The following TARBP1 variants were observed in gnomAD, a reference collection of about 807,000 sequenced individuals.
TARBP1 encodes tRNA guanosine 2 -O-methyltransferase TARBP1, also known as tRNA (guanosine(18)-2'-O)-methyltransferase TARBP1.
A neutral mutation model predicts 178.6 loss-of-function variants in TARBP1; 144 were observed. The observed-to-expected ratio is 0.81, with a 90% CI of 0.70 to 0.93. TARBP1 has a LOEUF of 0.93. Ranked by LOEUF, TARBP1 falls within the 40% of genes least tolerant of loss-of-function variation. The probability of loss-of-function intolerance (pLI) is 0.00; values close to 1 mark genes in which losing one functional copy is unlikely to be tolerated. For missense variants in TARBP1, 2,067 were observed against 2,011.7 expected (o/e 1.03, Z -0.53); for synonymous variants, 787 against 781.0 (o/e 1.01, Z -0.13).
intron 12 of TARBP1, among the ~76,000 whole-genome samples, chr1:234,441,808 T>C (rs188741163): frequency 5.6e-4 from 86 of 152,332 alleles, no homozygotes; most frequent in East Asian, 3.1e-3. Context: ...TCATATAATA[T>C]GTGGTCTTTA....
intron 9 of TARBP1, among the ~76,000 whole-genome samples, chr1:234,454,326 C>T (rs1667078633): frequency 6.6e-6 from 1 of 152,082 alleles, no homozygotes; most frequent in Non-Finnish European, 1.5e-5. Flanking sequence ...ATTTTAAAAA[C>T]ATTTCTTAGT....
chr1:234,430,177 C>T lies in TARBP1; in HGVS notation c.2519G>A (p.Ser840Asn). The change falls in exon 15 of 30, where the codon AGC (serine) becomes AAC (asparagine). Residue 840 changes from serine to asparagine, a missense_variant. Coordinates refer to ENST00000040877, the MANE Select transcript of TARBP1 (RefSeq NM_005646.4). ...LDSLHAGPLE[S>N]FLSSLQLNQT... The stretch of plus-strand genomic sequence containing the variant: ...ATTGAGCTGAAGAGAGGAAAGGAAG[C>T]TTTCCAGGGGCCCAGCATGGAGAGA... 1 of 1,614,194 alleles carries T rather than the reference C, an allele frequency of 6.2e-7. No individual in the cohort carries two copies. Among genetic ancestry groups the T allele is most frequent in the Non-Finnish European group, 8.5e-7 (1 of 1,180,028 alleles).
intron 20 of TARBP1, among the ~76,000 whole-genome samples, chr1:234,423,748 A>AT (rs1228790622): frequency 0.26 from 34,647 of 130,974 alleles, 4,801 homozygotes; most frequent in East Asian, 0.43. Context: ...TTTTTTCTGA[A>AT]TTTTTTTTTT....
intron 26 of TARBP1, among the ~76,000 whole-genome samples, chr1:234,395,071 A>C (rs1328949129): frequency 6.7e-6 from 1 of 150,258 alleles, no homozygotes; most frequent in East Asian, 2.0e-4. Context: ...TAAAAATACA[A>C]ACATTAGCCA....
intron 23 of TARBP1, among the ~76,000 whole-genome samples, chr1:234,408,449 G>T (rs538352300): frequency 2.0e-5 from 3 of 152,268 alleles, no homozygotes; most frequent in African/African-American, 7.2e-5. Context: ...CTTGTCTGGG[G>T]ACTAGATTTC....
chr1:234,415,988 T>C (rs1387913143), intron 22 of TARBP1, among the ~76,000 whole-genome samples: 3 of 152,252 alleles, frequency 2.0e-5, no homozygotes, highest in Non-Finnish European at 4.4e-5. Context: ...CTCTGTCTGA[T>C]GTCCACAGGT....
At chr1:234,444,515 C>G (rs1324136836) in intron 12 of TARBP1, among the ~76,000 whole-genome samples, 2 of 152,168 alleles carry the variant, frequency 1.3e-5, no homozygotes, top group Non-Finnish European at 2.9e-5. Flanking sequence ...ACACAGCCGT[C>G]TGGACTACCA....
chr1:234,432,135 CAAA>C (rs72281584), intron 14 of TARBP1, among the ~76,000 whole-genome samples: 6 of 94,310 alleles, frequency 6.4e-5, no homozygotes, highest in Non-Finnish European at 1.4e-4. Context: ...ACTCCGTCTC[CAAA>C]AAAAAAAAAA....
chr1:234,423,482 C>T (rs1264211141), intron 20 of TARBP1, among the ~76,000 whole-genome samples: 1 of 152,198 alleles, frequency 6.6e-6, no homozygotes, highest in Admixed American at 6.5e-5. Context: ...AGACTCTATA[C>T]TCACTGTCTC....
At chr1:234,412,626 C>T (rs1000382308) in intron 22 of TARBP1, among the ~76,000 whole-genome samples, 17 of 151,854 alleles carry the variant, frequency 1.1e-4, no homozygotes, top group African/African-American at 2.4e-4. Flanking sequence ...CTATAATTGC[C>T]GGGTGACAGA....
rs901832682 is a variant in TARBP1, at chr1:234,393,299, G to A, written c.4560+63C>T. On this transcript the variant is annotated intron_variant, in intron 28 of 29. Transcript: ENST00000040877. ...AACTTTTTTTTAAACTTTTATTTTA[G>A]GTTCACGGGTACATGTGCGGGCTTG... is the stretch of plus-strand genomic sequence containing the variant. The A allele has an allele frequency of 2.2e-6, 3 of 1,355,340 alleles. No homozygotes were observed. The Admixed American group carries it at 8.1e-5, about 37-fold the overall frequency. The allele number at this position is 1,355,340 out of a possible 1,614,324, so 84.0% of individuals were successfully genotyped here. A position where few individuals can be genotyped will look rare whatever the true frequency, so the allele number is the denominator to read the frequency against.
chr1:234,398,468 A>G lies in TARBP1; in HGVS notation c.4157T>C (p.Val1386Ala). Reference sequence around the variant, plus strand: ...CCACTGAAATCCCGCAGCTAAAGGAACATCAGTGAATCTGGTAAATTTATC... The same window carrying G: ...CCACTGAAATCCCGCAGCTAAAGGAGCATCAGTGAATCTGGTAAATTTATC... ...TIDKFTRFTDVPLAAGFQWYL... is the reference protein window; with the variant it reads ...TIDKFTRFTDAPLAAGFQWYL... The change falls in exon 26 of 30, where the codon GTT (valine) becomes GCT (alanine). Residue 1386 changes from valine to alanine, a missense_variant. Coordinates refer to ENST00000040877, the MANE Select transcript of TARBP1 (RefSeq NM_005646.4). 1.9e-6 allele frequency: 3 copies of G among 1,612,098 alleles called. No individual in the cohort carries two copies. The highest frequency in any genetic ancestry group is 2.5e-6 in the Non-Finnish European group (3 of 1,178,688).
intron 3 of TARBP1, among the ~76,000 whole-genome samples, chr1:234,468,384 C>G (rs1668674046): frequency 1.3e-5 from 2 of 152,060 alleles, no homozygotes; most frequent in African/African-American, 4.8e-5. Context: ...CGCTTGAACC[C>G]TTGAACTTGG....
intron 12 of TARBP1, among the ~76,000 whole-genome samples, chr1:234,442,578 A>G (rs1318440550): frequency 6.6e-6 from 1 of 152,206 alleles, no homozygotes; most frequent in Non-Finnish European, 1.5e-5. Context: ...TAAAAACTAT[A>G]ACCAATGAAT....
At position 234,457,771 on chromosome 1, in the gene TARBP1, A is replaced by C. The variant is rs886391412; in HGVS notation, c.1633-15T>G. ...GACACTTTCTCCTGGGCAGGGCAGG[A>C]AAGGTTTTAAAAATTACTCGTATTA... is the stretch of plus-strand genomic sequence containing the variant. On this transcript the variant is annotated splice_polypyrimidine_tract_variant and intron_variant, in intron 8 of 29. Transcript: ENST00000040877. 1 of 1,588,444 alleles carries C rather than the reference A, an allele frequency of 6.3e-7. No homozygotes were observed. Among genetic ancestry groups the C allele is most frequent in the Non-Finnish European group, 8.6e-7 (1 of 1,165,796 alleles).
chr1:234,402,530 G>C (rs1020944311), intron 24 of TARBP1, among the ~76,000 whole-genome samples: 2 of 151,932 alleles, frequency 1.3e-5, no homozygotes, highest in Non-Finnish European at 2.9e-5. Context: ...CTACCACTCT[G>C]ATGTAATATA....
rs1324296967 is a variant in TARBP1, at chr1:234,406,110, A to C, written c.3793-11T>G. 2 of 1,612,084 alleles carry C rather than the reference A, an allele frequency of 1.2e-6. No individual in the cohort carries two copies. The highest frequency in any genetic ancestry group is 1.7e-6 in the Non-Finnish European group (2 of 1,179,164). On this transcript the variant is annotated splice_polypyrimidine_tract_variant and intron_variant, in intron 23 of 29. Transcript: ENST00000040877. The stretch of plus-strand genomic sequence containing the variant: ...CTTCAGAATTAGTTTCTGAAAAGAA[A>C]GGCAAAAAATTCCTCAAAACACAGA...
chr1:234,393,558 C>T (rs1659618878), intron 27 of TARBP1, 72 bp from the exon 28 acceptor site: 1 of 1,572,834 alleles, frequency 6.4e-7, no homozygotes, highest in African/African-American at 1.4e-5. Flanking sequence ...GCATACATTC[C>T]TTTGAAGCTC....
chr1:234,438,724 T>C (rs1558209087), intron 12 of TARBP1, among the ~76,000 whole-genome samples: 1 of 152,158 alleles, frequency 6.6e-6, no homozygotes. Flanking sequence ...AAGAAGTATC[T>C]GAATAAAGAC....
Sources: gnomAD v4.1 joint callset for allele counts (sites outside exome capture counted in the v4.1 genomes callset) on GRCh38, gnomAD v4.1.1 for gene constraint, MANE v1.5 for transcripts, NCBI Gene and HGNC (gene_info 2026-07-23, HGNC 2026-07-21) for gene names.